Variants in SLC3A2 observed in about 807,000 individuals in gnomAD.
SLC3A2 encodes solute carrier family 3 member 2, also known as amino acid transporter heavy chain SLC3A2.
In SLC3A2, 32 loss-of-function variants were observed where a neutral mutation model predicts 48.5. The observed-to-expected ratio is 0.66, with a 90% CI of 0.50 to 0.89. The LOEUF is 0.89. Ranked by LOEUF, SLC3A2 falls within the 40% of genes least tolerant of loss-of-function variation. SLC3A2 has a pLI of 0.00. For synonymous variants in SLC3A2, 277 were observed against 288.8 expected, an observed-to-expected ratio of 0.96 and a Z score of 0.41; for missense variants, 587 against 680.7, an observed-to-expected ratio of 0.86 and a Z score of 1.53.
At chr11:62,887,519 A>G (rs1349694823) in intron 7 of SLC3A2, among the ~76,000 whole-genome samples, 16 of 152,152 alleles carry the variant, frequency 1.1e-4, no homozygotes, top group Admixed American at 9.2e-4. Context: ...CCTAGCCAAC[A>G]TGGTGAAACC....
Position 62,859,108 on chromosome 11 carries a change from G to A in SLC3A2, c.112+2727G>A, listed in dbSNP as rs1306832876. Reference sequence around the variant, plus strand: ...GACAGTCAGGTCTTTCCCTTCCCACGAGGCCATATTTCAGACTATCACATG... The same window carrying A: ...GACAGTCAGGTCTTTCCCTTCCCACAAGGCCATATTTCAGACTATCACATG... On this transcript the variant is annotated intron_variant, in intron 1 of 9. Transcript: ENST00000377889. Among the ~76,000 whole-genome samples the A allele has an allele frequency of 5.3e-5, 8 of 152,198 alleles. No homozygotes were observed. In the South Asian group the frequency reaches 8.3e-4, roughly 16 times the overall value.
At position 62,888,568 on chromosome 11, in the gene SLC3A2, C is replaced by T. The variant is rs1427812868; in HGVS notation, c.1465C>T (p.Pro489Ser). ...ASDLPASASLPAKADLLLSTQ... is the reference protein window; with the variant it reads ...ASDLPASASLSAKADLLLSTQ... ...CGACCTGCCTGCCAGCGCCAGCCTG[C>T]CAGCCAAGGCTGACCTCCTGCTCAG... The change falls in exon 9 of 9, where the codon CCA (proline) becomes TCA (serine). Residue 489 changes from proline (P) to serine (S), a missense_variant. Pro to Ser is a moderately conservative substitution (Grantham distance 74, BLOSUM62 -1). This residue lies in a region of SLC3A2 where 169 missense variants were observed against 204.4 expected (regional missense o/e 0.83). Coordinates refer to ENST00000338663, the MANE Select transcript of SLC3A2 (RefSeq NM_001013251.3). 1.2e-6 allele frequency: 2 copies of T among 1,613,848 alleles called. No individual in the cohort carries two copies. Among genetic ancestry groups the T allele is most frequent in the African/African-American group, 1.3e-5 (1 of 74,950 alleles).
upstream of SLC3A2, chr11:62,880,660 C>G: frequency 4.8e-6 from 1 of 209,704 alleles, no homozygotes; most frequent in South Asian, 8.6e-5. Context: ...CAGGCCTAGT[C>G]CACTTAAAGG....
chr11:62,883,261 G>C, intron 3 of SLC3A2: 1 of 425,760 alleles, frequency 2.3e-6, no homozygotes, highest in Non-Finnish European at 4.3e-6. Flanking sequence ...TCAGAAGTCA[G>C]TCTGGAAGTT....
upstream of SLC3A2, chr11:62,880,888 T>G (rs985677019): frequency 4.7e-5 from 68 of 1,435,114 alleles, 1 homozygote; most frequent in African/African-American, 8.6e-4. Context: ...CCGCGCCTGC[T>G]GCTGAGCAGA....
Position 62,880,908 on chromosome 11 carries a change from C to A in SLC3A2, c.-116C>A, listed in dbSNP as rs1255609987. On this transcript the variant is annotated 5_prime_UTR_variant, in exon 1 of 9. Transcript: ENST00000338663. Reference sequence around the variant, plus strand: ...CCTGCTGCTGAGCAGATGCAGTAGCCGAAACTGCGCGGAGGCACAGAGGCC... The same window carrying A: ...CCTGCTGCTGAGCAGATGCAGTAGCAGAAACTGCGCGGAGGCACAGAGGCC... The A allele has an allele frequency of 6.9e-7, 1 of 1,451,542 alleles. No individual in the cohort carries two copies. Among genetic ancestry groups the A allele is most frequent in the East Asian group, 2.4e-5 (1 of 41,438 alleles). The allele number at this position is 1,451,542 out of a possible 1,614,324, so 89.9% of individuals were successfully genotyped here. A position where few individuals can be genotyped will look rare whatever the true frequency, so the allele number is the denominator to read the frequency against.
chr11:62,880,672 G>A (rs2085621005), upstream of SLC3A2: 1 of 229,560 alleles, frequency 4.4e-6, no homozygotes, highest in African/African-American at 2.3e-5. Flanking sequence ...ACTTAAAGGT[G>A]GCTCCGTGCC....
At chr11:62,860,041 C>A (rs948903818) in intron 1 of SLC3A2, among the ~76,000 whole-genome samples, 4 of 152,122 alleles carry the variant, frequency 2.6e-5, no homozygotes, top group Admixed American at 2.6e-4. Flanking sequence ...CCATCTCAGC[C>A]AGAGGGATGT....
upstream of SLC3A2, among the ~76,000 whole-genome samples, chr11:62,878,614 C>G (rs1458651364): frequency 6.6e-6 from 1 of 150,684 alleles, no homozygotes; most frequent in Non-Finnish European, 1.5e-5. Context: ...TACAGGCACC[C>G]GCCACCACGC....
At chr11:62,858,462 A>G (rs2085362171) in intron 1 of SLC3A2, among the ~76,000 whole-genome samples, 1 of 152,192 alleles carries the variant, frequency 6.6e-6, no homozygotes, top group Non-Finnish European at 1.5e-5. Flanking sequence ...CATGCCTGTA[A>G]TCCTAGCACC....
At position 62,888,477 on chromosome 11, in the gene SLC3A2, G is replaced by A. The variant is rs2085744495; in HGVS notation, c.1374G>A (p.Gln458=). ...GLFSYIRHWD[Q]NERFLVVLNF... ...TCTCCTATATCCGCCACTGGGACCA[G>A]AATGAGCGTTTTCTGGTAGTGCTTA... Residue 458 remains glutamine, a synonymous_variant, in exon 9 of 9, where the codon CAG becomes CAA. Coordinates refer to ENST00000338663, the MANE Select transcript of SLC3A2 (RefSeq NM_001013251.3). The A allele has an allele frequency of 6.2e-7, 1 of 1,614,210 alleles. No individual in the cohort carries two copies. The highest frequency in any genetic ancestry group is 2.2e-5 in the East Asian group (1 of 44,878).
At chr11:62,882,115 G>C in intron 2 of SLC3A2, 49 bp downstream of exon 2, 2 of 1,605,508 alleles carry the variant, frequency 1.2e-6, no homozygotes, top group Non-Finnish European at 1.7e-6. Context: ...GACTTGGCCA[G>C]AGGAAAAGTA....
chr11:62,870,848 T>C, intron 1 of SLC3A2: 1 of 166,514 alleles, frequency 6.0e-6, no homozygotes, highest in Non-Finnish European at 1.1e-5. Flanking sequence ...GTAATAATAA[T>C]AATAATAATT....
chr11:62,888,423 C>A lies in SLC3A2; in HGVS notation c.1320C>A (p.Phe440Leu), dbSNP rs774268975. The change falls in exon 9 of 9, where the codon TTC becomes TTA. Residue 440 changes from phenylalanine (F) to leucine (L), a missense_variant. By Grantham distance (22) the Phe-to-Leu change is conservative. Transcript: ENST00000338663. ...AGCGCTCCCTACTGCATGGGGACTT[C>A]CACGCGTTCTCCGCTGGGCCTGGAC... ...SKERSLLHGD[F>L]HAFSAGPGLF... The A allele has an allele frequency of 2.2e-5, 35 of 1,614,118 alleles. No individual in the cohort carries two copies. The highest frequency in any genetic ancestry group is 2.7e-5 in the African/African-American group (2 of 74,944).
intron 3 of SLC3A2, 62 bp from the exon 4 acceptor site, chr11:62,884,395 G>C: frequency 6.3e-7 from 1 of 1,587,462 alleles, no homozygotes; most frequent in Non-Finnish European, 8.7e-7. Context: ...AGTGTGGGCT[G>C]GAATTTTCTG....
At chr11:62,884,077 T>C (rs1279846798) in intron 3 of SLC3A2, 2 of 466,064 alleles carry the variant, frequency 4.3e-6, no homozygotes, top group South Asian at 1.5e-5. Context: ...CGCGTCTCCC[T>C]GCTTCTCTGG....
intron 1 of SLC3A2, among the ~76,000 whole-genome samples, chr11:62,874,972 A>T (rs1205870399): frequency 6.6e-6 from 1 of 152,108 alleles, no homozygotes; most frequent in Non-Finnish European, 1.5e-5. Flanking sequence ...CATGTTGGCC[A>T]AGCTGGTCTC....
intron 1 of SLC3A2, among the ~76,000 whole-genome samples, chr11:62,867,281 C>T (rs1024454122): frequency 1.6e-4 from 24 of 150,510 alleles, no homozygotes; most frequent in Non-Finnish European, 3.5e-4. Flanking sequence ...TGTGAGCCAC[C>T]GTGCCTGGCC....
upstream of SLC3A2, among the ~76,000 whole-genome samples, chr11:62,879,942 T>C (rs1020400068): frequency 6.6e-6 from 1 of 152,146 alleles, no homozygotes; most frequent in African/African-American, 2.4e-5. Flanking sequence ...CATAGTGAAG[T>C]GATAGGGAGA....
Sources: gnomAD v4.1 joint callset for allele counts (sites outside exome capture counted in the v4.1 genomes callset) on GRCh38, gnomAD v4.1.1 for gene constraint, gnomAD v4.1.1 regional missense constraint, MANE v1.5 for transcripts, NCBI Gene and HGNC (gene_info 2026-07-23, HGNC 2026-07-21) for gene names.